Variants in ERC2 observed in about 807,000 individuals in gnomAD.
ERC2 encodes ERC protein 2.
In ERC2, 42 loss-of-function variants were observed where a neutral mutation model predicts 114.8. The observed-to-expected ratio is 0.37, with a 90% CI of 0.29 to 0.47. The LOEUF (loss-of-function observed/expected upper bound fraction) is 0.47. Ranked by LOEUF, ERC2 falls within the 20% of genes least tolerant of loss-of-function variation. The pLI, the probability that ERC2 is intolerant of heterozygous loss-of-function variation, is 0.99. For missense variants in ERC2, 939 were observed against 1,150.7 expected (o/e 0.82, Z 2.66); for synonymous variants, 454 against 425.5 (o/e 1.07, Z -0.82).
chr3:55,691,491 AC>A (rs1282902410), intron 16 of ERC2, among the ~76,000 whole-genome samples: 3 of 145,344 alleles, frequency 2.1e-5, no homozygotes, highest in Non-Finnish European at 3.0e-5. Context: ...CCCACGTGAA[AC>A]AAAACTCAAG....
At chr3:56,066,733 AG>A (rs1269344316) in intron 7 of ERC2, among the ~76,000 whole-genome samples, 1 of 152,168 alleles carries the variant, frequency 6.6e-6, no homozygotes, top group Non-Finnish European at 1.5e-5. Flanking sequence ...TTTTTGTTAA[AG>A]TATAAGAAAG....
At chr3:55,869,685 G>C (rs1178889282) in intron 14 of ERC2, among the ~76,000 whole-genome samples, 2 of 152,080 alleles carry the variant, frequency 1.3e-5, no homozygotes, top group African/African-American at 4.8e-5. Context: ...TTACCACCCT[G>C]TATTATAATT....
chr3:55,836,939 G>A (rs1336955213), intron 14 of ERC2, among the ~76,000 whole-genome samples: 2 of 152,156 alleles, frequency 1.3e-5, no homozygotes, highest in Non-Finnish European at 2.9e-5. Flanking sequence ...CAAAAAGTGG[G>A]CGAAGGATAT....
intron 17 of ERC2, among the ~76,000 whole-genome samples, chr3:55,653,627 A>G (rs2060738688): frequency 1.3e-5 from 2 of 150,944 alleles, no homozygotes; most frequent in South Asian, 4.2e-4. Flanking sequence ...GCCTGGAAGA[A>G]TCTCTGGAAT....
intron 17 of ERC2, among the ~76,000 whole-genome samples, chr3:55,641,962 A>G (rs1004088191): frequency 6.6e-6 from 1 of 152,180 alleles, no homozygotes; most frequent in South Asian, 2.1e-4. Flanking sequence ...CATTACTTCC[A>G]CTCAAATTCT....
chr3:55,994,907 T>G (rs1386475049), intron 10 of ERC2, among the ~76,000 whole-genome samples: 1 of 152,222 alleles, frequency 6.6e-6, no homozygotes, highest in Non-Finnish European at 1.5e-5. Context: ...ATCTAGACTG[T>G]ACCACTGTTG....
At chr3:56,120,824 G>T (rs1262464667) in intron 6 of ERC2, among the ~76,000 whole-genome samples, 1 of 152,170 alleles carries the variant, frequency 6.6e-6, no homozygotes, top group Non-Finnish European at 1.5e-5. Flanking sequence ...CTATAGAGAG[G>T]TCCACCATTT....
At chr3:55,562,585 T>C (rs1476441268) in intron 17 of ERC2, among the ~76,000 whole-genome samples, 1 of 152,196 alleles carries the variant, frequency 6.6e-6, no homozygotes, top group African/African-American at 2.4e-5. Flanking sequence ...TCCAAGTGTT[T>C]TGCATACTCT....
intron 4 of ERC2, among the ~76,000 whole-genome samples, chr3:56,170,003 A>G (rs923068481): frequency 1.1e-4 from 17 of 152,314 alleles, no homozygotes; most frequent in African/African-American, 4.1e-4. Context: ...ACAAGAGCAG[A>G]AAAGAGGAGC....
intron 14 of ERC2, among the ~76,000 whole-genome samples, chr3:55,745,112 T>C (rs1373412778): frequency 1.3e-5 from 2 of 152,198 alleles, no homozygotes; most frequent in African/African-American, 4.8e-5. Context: ...AAGCTGCACA[T>C]TTGACTTTCA....
At chr3:55,736,199 T>C (rs770753903) in intron 14 of ERC2, among the ~76,000 whole-genome samples, 1 of 152,200 alleles carries the variant, frequency 6.6e-6, no homozygotes, top group Non-Finnish European at 1.5e-5. Flanking sequence ...ATCCATTGCA[T>C]CACTCTTTAG....
At chr3:56,144,361 T>C (rs1266659210) in intron 5 of ERC2, among the ~76,000 whole-genome samples, 4 of 152,230 alleles carry the variant, frequency 2.6e-5, no homozygotes, top group Admixed American at 2.6e-4. Flanking sequence ...AAATCTGTTA[T>C]GATCAACACT....
At chr3:56,274,731 C>T (rs2053884559) in intron 3 of ERC2, among the ~76,000 whole-genome samples, 1 of 152,144 alleles carries the variant, frequency 6.6e-6, no homozygotes, top group Non-Finnish European at 1.5e-5. Context: ...GGTTAGATTA[C>T]TGGCCCACAG....
At chr3:56,288,379 G>A (rs896656781) in intron 3 of ERC2, among the ~76,000 whole-genome samples, 5 of 152,014 alleles carry the variant, frequency 3.3e-5, no homozygotes, top group East Asian at 3.9e-4. Flanking sequence ...CATAACCTCC[G>A]GACATTCTCA....
intron 4 of ERC2, among the ~76,000 whole-genome samples, chr3:56,151,077 C>T (rs373058439): frequency 6.6e-6 from 1 of 152,120 alleles, no homozygotes; most frequent in Non-Finnish European, 1.5e-5. Flanking sequence ...TTCTAGCCTC[C>T]AGAACTGTGA....
At chr3:55,786,030 A>G (rs2069457252) in intron 14 of ERC2, among the ~76,000 whole-genome samples, 1 of 152,194 alleles carries the variant, frequency 6.6e-6, no homozygotes, top group Non-Finnish European at 1.5e-5. Context: ...CTTATGGATC[A>G]TGCCTGTACA....
chr3:56,271,720 T>C (rs2053663375), intron 3 of ERC2, among the ~76,000 whole-genome samples: 1 of 152,162 alleles, frequency 6.6e-6, no homozygotes, highest in Non-Finnish European at 1.5e-5. Context: ...GTAATAAGCT[T>C]AGTACCCAAT....
intron 3 of ERC2, 177 bp from the exon 4 acceptor site, chr3:56,173,697 C>A (rs1393478572): frequency 3.5e-6 from 2 of 564,340 alleles, no homozygotes; most frequent in Non-Finnish European, 6.1e-6. Context: ...AGCCTGCGTT[C>A]CGGTGAAAAG....
At chr3:55,733,435 TTCTC>T (rs1223530777) in intron 15 of ERC2, among the ~76,000 whole-genome samples, 2 of 135,326 alleles carry the variant, frequency 1.5e-5, no homozygotes, top group Non-Finnish European at 3.3e-5. Context: ...CTCTCTCTCA[TTCTC>T]TCTGTCTCTC....
Sources: gnomAD v4.1 joint callset for allele counts (sites outside exome capture counted in the v4.1 genomes callset) on GRCh38, gnomAD v4.1.1 for gene constraint, MANE v1.5 for transcripts, NCBI Gene and HGNC (gene_info 2026-07-23, HGNC 2026-07-21) for gene names.